LCTL: variants seen among roughly 807,000 people sequenced by gnomAD.
LCTL encodes the protein lactase like.
Under a neutral mutation model 75.8 loss-of-function variants are expected in LCTL, and 76 were observed. The ratio of observed to expected loss-of-function variants is 1.00; its 90% CI spans 0.83 to 1.21. The LOEUF (loss-of-function observed/expected upper bound fraction) is 1.21. Among genes scored for constraint, LCTL ranks in the 50% most tolerant of loss-of-function variants. LCTL has a pLI of 0.00. For synonymous variants in LCTL, 271 were observed against 268.8 expected, an observed-to-expected ratio of 1.01 and a Z score of -0.08; for missense variants, 670 against 712.4, an observed-to-expected ratio of 0.94 and a Z score of 0.68.
exon 13 of LCTL, chr15:66,548,420 C>A: frequency 2.7e-6 from 2 of 735,488 alleles, no homozygotes; most frequent in South Asian, 2.2e-5. Context: ...TGTATGGAAA[C>A]CCTCAAAGCA....
At position 66,562,842 on chromosome 15, in the gene LCTL, C is replaced by G. The variant is rs181365571; in HGVS notation, c.480+674G>C. ...CAGGTGATCCACCCACCTCGGCCCC[C>G]CAAAGTGCTAGGATTACAGGCGTGA... is the stretch of plus-strand genomic sequence containing the variant. On this transcript the variant is annotated intron_variant, in intron 4 of 12. Transcript: ENST00000341509. Among the ~76,000 whole-genome samples the G allele has an allele frequency of 2.4e-4, 37 of 152,288 alleles. No homozygotes were observed. The East Asian group carries it at 2.7e-3, about 11-fold the overall frequency.
intron 4 of LCTL, among the ~76,000 whole-genome samples, chr15:66,562,315 A>G (rs886876633): frequency 1.3e-5 from 2 of 151,910 alleles, no homozygotes; most frequent in African/African-American, 2.4e-5. Flanking sequence ...AGACAGGAGA[A>G]TCACTCGAAC....
rs1383429572 is a variant in LCTL at position 66,563,999 on chromosome 15, C to T, written c.283-1G>A. 3.1e-6 allele frequency: 5 copies of T among 1,611,484 alleles called. No individual in the cohort carries two copies. The highest frequency in any genetic ancestry group is 2.7e-5 in the African/African-American group (2 of 74,870). Reference sequence around the variant, plus strand: ...GTTCCCTCAGCAGAATGATGTCCTCCTGTGCAGACAGGGGTGGGGAGACAG... The same window carrying T: ...GTTCCCTCAGCAGAATGATGTCCTCTTGTGCAGACAGGGGTGGGGAGACAG... On this transcript the variant is annotated splice_acceptor_variant, in intron 2 of 12. Transcript: ENST00000341509. LOFTEE classifies it high-confidence loss of function.
chr15:66,565,237 C>G lies in LCTL; in HGVS notation c.118+11G>C. On this transcript the variant is annotated intron_variant, in intron 1 of 12. Coordinates refer to ENST00000341509, the Ensembl canonical transcript of LCTL. Reference sequence around the variant, plus strand: ...AGACAGGCAGACAGACGAACAGAGGCGTGGCCGTACCAAGAGGGAAGGTTC... The same window carrying G: ...AGACAGGCAGACAGACGAACAGAGGGGTGGCCGTACCAAGAGGGAAGGTTC... 1 of 1,547,540 alleles carries G rather than the reference C, an allele frequency of 6.5e-7. No individual in the cohort carries two copies. Among genetic ancestry groups the G allele is most frequent in the Non-Finnish European group, 8.9e-7 (1 of 1,119,502 alleles).
chr15:66,550,586 T>C (rs1339676791), intron 11 of LCTL, among the ~76,000 whole-genome samples: 1 of 152,042 alleles, frequency 6.6e-6, no homozygotes, highest in Non-Finnish European at 1.5e-5. Context: ...GCTCAAGTGA[T>C]CCTCACACCT....
chr15:66,561,900 C>A (rs1347126233), intron 4 of LCTL, among the ~76,000 whole-genome samples: 1 of 152,166 alleles, frequency 6.6e-6, no homozygotes, highest in Non-Finnish European at 1.5e-5. Flanking sequence ...TAGCTCAGCA[C>A]TCGAGGCCTT....
intron 3 of LCTL, 37 bp downstream of exon 4, chr15:66,563,874 G>C: frequency 2.6e-6 from 4 of 1,518,222 alleles, no homozygotes; most frequent in African/African-American, 1.4e-5. Context: ...GCCGGAAGGG[G>C]CCTCACTTGG....
At chr15:66,557,279 C>T (rs1205612004) in intron 8 of LCTL, among the ~76,000 whole-genome samples, 1 of 152,086 alleles carries the variant, frequency 6.6e-6, no homozygotes, top group Non-Finnish European at 1.5e-5. Flanking sequence ...TTGATATATC[C>T]CTGTAAGCCT....
At chr15:66,561,355 C>T in intron 4 of LCTL, 40 bp from the exon 6 acceptor site, 11 of 1,613,008 alleles carry the variant, frequency 6.8e-6, no homozygotes, top group Non-Finnish European at 9.3e-6. Flanking sequence ...GAATGAACCG[C>T]AAAGCGGTTT....
At chr15:66,563,884 G>A (rs547527651) in intron 3 of LCTL, 27 bp downstream of exon 4, 1 of 1,581,650 alleles carries the variant, frequency 6.3e-7, no homozygotes, top group Admixed American at 1.7e-5. Flanking sequence ...GCCTCACTTG[G>A]GTTCAAGAGG....
In LCTL at chr15:66,553,627, C is replaced by A. The variant is rs573817379; in HGVS notation, c.923-369G>T. ...AAAATTAGCCGGGCGTGGTGGCAGC[C>A]GCCTGTAGTCCCAGCTACTTGGGAG... is the stretch of plus-strand genomic sequence containing the variant. On this transcript the variant is annotated intron_variant, in intron 8 of 12. Transcript: ENST00000341509. Among the ~76,000 whole-genome samples the A allele has an allele frequency of 2.2e-3, 327 of 151,900 alleles. 1 individual carries two copies. Among genetic ancestry groups the A allele is most frequent in the African/African-American group, 7.1e-3 (296 of 41,414 alleles).
chr15:66,564,812 GC>G lies in LCTL; in HGVS notation c.145del (p.Ala49ProfsTer37). 1 of 1,612,872 alleles carries G rather than the reference GC, an allele frequency of 6.2e-7. No individual in the cohort carries two copies. Among genetic ancestry groups the G allele is most frequent in the Non-Finnish European group, 8.5e-7 (1 of 1,179,960 alleles). On this transcript the variant is annotated frameshift_variant, in exon 2 of 13. Coordinates refer to ENST00000341509, the Ensembl canonical transcript of LCTL. LOFTEE classifies it high-confidence loss of function. ...GTCCCAGGCGCCCTCCGTCTGGTAG[GC>G]AGAACTGCCCACGCCCCAGGAGAAG...
chr15:66,565,001 C>T (rs4776791), intron 1 of LCTL, among the ~76,000 whole-genome samples, 162 bp from the exon 3 acceptor site: 17,718 of 152,024 alleles, frequency 0.12, 1,287 homozygotes, highest in Non-Finnish European at 0.17. Context: ...ACATGAGGCA[C>T]GGTAGGGGAA....
At chr15:66,565,202 G>A (rs1895994072) in intron 1 of LCTL, 46 bp downstream of exon 2, 1 of 1,308,428 alleles carries the variant, frequency 7.6e-7, no homozygotes, top group Non-Finnish European at 1.1e-6. Flanking sequence ...AAAGTGGGCA[G>A]GTGGACGACA....
rs1454198493 is a variant in LCTL at position 66,557,974 on chromosome 15, C to A, written c.760+8G>T. 1 of 1,607,202 alleles carries A rather than the reference C, an allele frequency of 6.2e-7. No individual in the cohort carries two copies. Among genetic ancestry groups the A allele is most frequent in the Non-Finnish European group, 8.5e-7 (1 of 1,174,848 alleles). On this transcript the variant is annotated splice_region_variant and intron_variant, in intron 7 of 12. Transcript: ENST00000341509. Reference sequence around the variant, plus strand: ...TGTCCTGGGTACATGTGTGGGGCCACAGCTCACCTTGCTGCTTGCTGCGCC... The same window carrying A: ...TGTCCTGGGTACATGTGTGGGGCCAAAGCTCACCTTGCTGCTTGCTGCGCC...
intron 4 of LCTL, among the ~76,000 whole-genome samples, chr15:66,562,460 C>T (rs931966436): frequency 4.6e-5 from 7 of 151,438 alleles, no homozygotes; most frequent in African/African-American, 1.5e-4. Flanking sequence ...GACATAGTGA[C>T]GTTCTGAAGC....
At chr15:66,563,352 G>A (rs1361730492) in intron 4 of LCTL, among the ~76,000 whole-genome samples, 164 bp downstream of exon 5, 1 of 152,224 alleles carries the variant, frequency 6.6e-6, no homozygotes, top group African/African-American at 2.4e-5. Flanking sequence ...AGTGGATTAA[G>A]ACAGTGAGTC....
In LCTL at chr15:66,561,202, C is replaced by T. The variant is rs368609446; in HGVS notation, c.594G>A (p.Thr198=). The T allele has an allele frequency of 1.4e-4, 220 of 1,614,082 alleles. 1 individual carries two copies. The highest frequency in any genetic ancestry group is 6.6e-4 in the Middle Eastern group (4 of 6,084). Residue 198 remains threonine (T), a synonymous_variant, in exon 5 of 13, where the codon ACG becomes ACA. Transcript: ENST00000341509. ...CCCTGCTTACCCGAGGATCACTGAA[C>T]GTGATCCAGTGCTTCACACGGTCCC...
Position 66,560,012 on chromosome 15 carries a change from G to A in LCTL, c.705+994C>T, listed in dbSNP as rs577801710. On this transcript the variant is annotated intron_variant, in intron 6 of 12. Transcript: ENST00000341509. The stretch of plus-strand genomic sequence containing the variant: ...TGAGGCAGGAGAATGGCTTGAACCC[G>A]GGAGGCGGAGGTTGCAGTGAGCCGA... Among the ~76,000 whole-genome samples the A allele has an allele frequency of 2.5e-4, 37 of 150,642 alleles. 1 individual carries two copies. In the South Asian group the frequency reaches 6.5e-3, roughly 27 times the overall value.
Sources: gnomAD v4.1 joint callset for allele counts (sites outside exome capture counted in the v4.1 genomes callset) on GRCh38, gnomAD v4.1.1 for gene constraint, MANE v1.5 for transcripts, NCBI Gene and HGNC (gene_info 2026-07-23, HGNC 2026-07-21) for gene names.